Variants in GGA3 observed in about 807,000 individuals in gnomAD.
GGA3 encodes the protein golgi associated, gamma adaptin ear containing, ARF binding protein 3.
Under a neutral mutation model 77.5 loss-of-function variants are expected in GGA3, and 57 were observed. The observed-to-expected ratio is 0.74, with a 90% confidence interval of 0.59 to 0.92. The LOEUF (loss-of-function observed/expected upper bound fraction) is 0.92, where lower values mean the gene tolerates loss of function less well. GGA3 is among the 40% of genes least tolerant of loss of function. The probability of loss-of-function intolerance (pLI) is 0.00; values close to 1 mark genes in which losing one functional copy is unlikely to be tolerated. For synonymous variants in GGA3, 416 were observed against 383.7 expected (o/e 1.08, Z -0.98); for missense variants, 970 against 914.9 (o/e 1.06, Z -0.78).
intron 14 of GGA3, 69 bp downstream of exon 14, chr17:75,239,306 G>A: frequency 7.5e-7 from 1 of 1,328,278 alleles, no homozygotes; most frequent in Non-Finnish European, 1.0e-6. Context: ...ATCCATCCCT[G>A]TCGCATGTCC....
intron 4 of GGA3, 136 bp from the exon 5 acceptor site, chr17:75,243,706 G>A (rs1402997952): frequency 2.6e-6 from 2 of 775,456 alleles, no homozygotes; most frequent in Non-Finnish European, 4.1e-6. Context: ...CCAAGTGTGT[G>A]TGAGACAGCG....
chr17:75,240,694 G>C (rs1186363566), intron 11 of GGA3, 118 bp downstream of exon 11: 7 of 1,171,374 alleles, frequency 6.0e-6, no homozygotes, highest in Non-Finnish European at 7.0e-6. Flanking sequence ...CTCCAACTCA[G>C]GGTTCTTTGC....
intron 7 of GGA3, 96 bp downstream of exon 7, chr17:75,242,735 G>A: frequency 9.1e-7 from 1 of 1,100,182 alleles, no homozygotes. Flanking sequence ...TGGCAGCAGG[G>A]GAGAACAAAA....
intron 7 of GGA3, 45 bp from the exon 8 acceptor site, chr17:75,242,518 T>G (rs765934339): frequency 5.0e-6 from 8 of 1,611,736 alleles, no homozygotes; most frequent in Non-Finnish European, 6.8e-6. Flanking sequence ...GTCACTTGAC[T>G]GTCTTTCCAC....
chr17:75,257,721 C>T (rs1236051961), intron 1 of GGA3, among the ~76,000 whole-genome samples: 1 of 152,178 alleles, frequency 6.6e-6, no homozygotes, highest in Non-Finnish European at 1.5e-5. Context: ...CCCACGCCGC[C>T]CCTAATCCCA....
rs1488643282 is a variant in GGA3, at chr17:75,255,344, CTT to C, written c.40+6202_40+6203del. Among the ~76,000 whole-genome samples the C allele has an allele frequency of 2.6e-5, 4 of 152,090 alleles. 1 individual carries two copies. Among genetic ancestry groups the C allele is most frequent in the South Asian group, 4.1e-4 (2 of 4,822 alleles). ...CCAGTTCCCTTATTAGGCCGAGACA[CTT>C]TAACTAAATTATCTGCTTCCCTGAC... On this transcript the variant is annotated intron_variant, in intron 1 of 16. Transcript: ENST00000537686.
In GGA3 at chr17:75,239,889, T is replaced by C. The variant is rs767850853; in HGVS notation, c.1483A>G (p.Lys495Glu). ...TGCCCAGGGACTGCGGGCTCAACTT[T>C]TGGGGCCAAGGCTGGGGCCACTCCA... ...STGVAPALAP[K>E]VEPAVPGHHG... The change falls in exon 13 of 17, where the codon AAA becomes GAA. Residue 495 changes from lysine (K) to glutamate (E), a missense_variant. Lys to Glu is a moderately conservative substitution (Grantham distance 56). Transcript: ENST00000537686. The C allele has an allele frequency of 1.6e-5, 26 of 1,613,634 alleles. 1 individual carries two copies. The highest frequency in any genetic ancestry group is 1.3e-4 in the Admixed American group (8 of 59,980).
At chr17:75,250,810 G>C (rs1158626544) in intron 1 of GGA3, among the ~76,000 whole-genome samples, 1 of 147,842 alleles carries the variant, frequency 6.8e-6, no homozygotes, top group Non-Finnish European at 1.5e-5. Flanking sequence ...GGGCACGGTG[G>C]CTCACGCCTG....
In GGA3 at chr17:75,237,376, T is replaced by C. The variant is rs998659207; in HGVS notation, c.*903A>G. ...AGGTGCCACACCACATGCCATCTGG[T>C]GAGAGGAGAGGGAGGCCAAAGCAGT... is the stretch of plus-strand genomic sequence containing the variant. On this transcript the variant is annotated 3_prime_UTR_variant, in exon 17 of 17. Coordinates refer to ENST00000537686, the MANE Select transcript of GGA3 (RefSeq NM_138619.4). 3 of 1,018,652 alleles carry C rather than the reference T, an allele frequency of 2.9e-6. No homozygotes were observed. The African/African-American group carries it at 4.7e-5, about 16-fold the overall frequency. The allele number at this position is 1,018,652 out of a possible 1,614,324, so 63.1% of individuals were successfully genotyped here. A position where few individuals can be genotyped will look rare whatever the true frequency, so the allele number is the denominator to read the frequency against.
At chr17:75,260,232 C>A (rs966747914) in intron 1 of GGA3, among the ~76,000 whole-genome samples, 1 of 152,190 alleles carries the variant, frequency 6.6e-6, no homozygotes, top group Non-Finnish European at 1.5e-5. Flanking sequence ...ATTCAATACC[C>A]ATATTAATAC....
chr17:75,248,468 CAAAAAAAAAAAAAA>C (rs59182526), intron 1 of GGA3, among the ~76,000 whole-genome samples: 1 of 19,758 alleles, frequency 5.1e-5, no homozygotes, highest in Non-Finnish European at 8.7e-5. Context: ...GACTCCGTCT[CAAAAAAAAAAAAAA>C]AAAAAAAAAA....
At chr17:75,242,679 G>T in intron 7 of GGA3, 152 bp downstream of exon 7, 1 of 868,764 alleles carries the variant, frequency 1.2e-6, no homozygotes, top group Non-Finnish European at 1.9e-6. Context: ...GGAAGCTATT[G>T]TGCTCCTCCT....
chr17:75,259,517 G>T (rs1245302698), intron 1 of GGA3, among the ~76,000 whole-genome samples: 1 of 152,154 alleles, frequency 6.6e-6, no homozygotes, highest in East Asian at 1.9e-4. Flanking sequence ...AGTAGAGCAG[G>T]AAAACGTAGA....
chr17:75,243,230 A>G (rs1441209411), intron 5 of GGA3, 64 bp from the exon 6 acceptor site: 3 of 1,256,736 alleles, frequency 2.4e-6, no homozygotes, highest in Middle Eastern at 2.3e-4. Context: ...CTCCTCATAC[A>G]CCAAGGGCCA....
intron 16 of GGA3, 79 bp from the exon 17 acceptor site, chr17:75,238,468 T>C (rs1446054448): frequency 1.6e-6 from 2 of 1,268,628 alleles, no homozygotes; most frequent in African/African-American, 2.9e-5. Context: ...ACCCTCTCTG[T>C]GCTAGAGGAA....
intron 1 of GGA3, among the ~76,000 whole-genome samples, chr17:75,256,898 C>T (rs1335514655): frequency 6.6e-6 from 1 of 152,034 alleles, no homozygotes; most frequent in Non-Finnish European, 1.5e-5. Flanking sequence ...GAGAAGGCCA[C>T]CGCAGTCATT....
intron 1 of GGA3, among the ~76,000 whole-genome samples, chr17:75,250,382 G>A (rs960227156): frequency 2.0e-5 from 3 of 152,112 alleles, no homozygotes; most frequent in African/African-American, 7.2e-5. Context: ...GCCTACTCTC[G>A]TGGGACTTAA....
Position 75,258,338 on chromosome 17 carries a change from G to A in GGA3, c.40+3210C>T, listed in dbSNP as rs562558664. ...CAAAACACCGATTTCACCTAGTACA[G>A]AAGGAATGAGGGCCTGATAACTGCA... On this transcript the variant is annotated intron_variant, in intron 1 of 16. Coordinates refer to ENST00000537686, the MANE Select transcript of GGA3 (RefSeq NM_138619.4). 8.5e-5 allele frequency among the ~76,000 whole-genome samples: 13 copies of A among 152,298 alleles called. No homozygotes were observed. In the South Asian group the frequency reaches 2.3e-3, roughly 27 times the overall value.
intron 1 of GGA3, among the ~76,000 whole-genome samples, chr17:75,250,434 T>C (rs1271261927): frequency 2.0e-5 from 3 of 152,202 alleles, no homozygotes; most frequent in Admixed American, 6.5e-5. Context: ...GGGTACCCCA[T>C]TCCAGCACGG....
Sources: gnomAD v4.1 joint callset for allele counts (sites outside exome capture counted in the v4.1 genomes callset) on GRCh38, gnomAD v4.1.1 for gene constraint, MANE v1.5 for transcripts, NCBI Gene and HGNC (gene_info 2026-07-23, HGNC 2026-07-21) for gene names.